Variants in CIITA observed in about 807,000 individuals in gnomAD.
CIITA encodes the protein MHC class II transactivator.
In CIITA, 72 loss-of-function variants were observed where a neutral mutation model predicts 115.1. The ratio of observed to expected loss-of-function variants is 0.63; its 90% CI spans 0.52 to 0.76. The LOEUF is 0.76. Among genes scored for constraint, CIITA ranks in the 30% least tolerant of loss-of-function variants. The pLI is 0.00. For missense variants in CIITA, 1,617 were observed against 1,463.8 expected (o/e 1.10, Z -1.71); for synonymous variants, 763 against 635.6 (o/e 1.20, Z -3.02).
intron 16 of CIITA, among the ~76,000 whole-genome samples, chr16:10,919,298 G>A (rs4781023): frequency 0.14 from 21,564 of 151,752 alleles, 1,857 homozygotes; most frequent in Admixed American, 0.27. Flanking sequence ...CCAGGTTCAA[G>A]CTATTCGCCT....
In CIITA at chr16:10,942,123, GC is replaced by G; in HGVS notation, n.1250del. On this transcript the variant is annotated non_coding_transcript_exon_variant, in exon 2 of 2. Coordinates refer to the CIITA transcript ENST00000573379. The surrounding 1 kb of genome is among the most constrained non-coding windows in gnomAD (Gnocchi z 5.0). ...AGGGGTACCCTGGAGCCCGACAGAA[GC>G]AGGGCCGGGCTCCAGATGTCCCCTG... 1.4e-6 allele frequency: 1 copy of G among 717,062 alleles called. No individual in the cohort carries two copies. The highest frequency in any genetic ancestry group is 3.6e-5 in the South Asian group (1 of 27,440). 44.4% of individuals were successfully genotyped at this position (717,062 alleles called of 1,614,324 possible).
Position 10,922,167 on chromosome 16 carries a change from C to T in CIITA, c.3150C>T (p.Ser1050=). The T allele has an allele frequency of 6.2e-7, 1 of 1,614,164 alleles. No homozygotes were observed. The highest frequency in any genetic ancestry group is 2.2e-5 in the East Asian group (1 of 44,884). ...PSLAASLLRL[S]LYNNCICDVG... ...TCCCCCTGGCCTCTGTTTCCGACAG[C>T]TTGTACAATAACTGCATCTGCGACG... The change falls in exon 17 of 20, where the codon AGC becomes AGT. Residue 1050 remains serine (S), a splice_region_variant and synonymous_variant. Coordinates refer to ENST00000324288, the MANE Select transcript of CIITA (RefSeq NM_000246.4).
Position 10,895,425 on chromosome 16 carries a change from T to C in CIITA, c.196T>C (p.Ser66Pro). 1.9e-6 allele frequency: 3 copies of C among 1,613,610 alleles called. No individual in the cohort carries two copies. Among genetic ancestry groups the C allele is most frequent in the Non-Finnish European group, 1.7e-6 (2 of 1,180,018 alleles). The change falls in exon 2 of 20, where the codon TCA (serine) becomes CCA (proline). Residue 66 changes from serine to proline, a missense_variant. Transcript: ENST00000324288. ...TGGAGAAGAAGAGATTGAGCTCTAC[T>C]CAGGTGGGCCCTCCTCCCTCTGGTC... is the stretch of plus-strand genomic sequence containing the variant. ...LAGEEEIELY[S>P]EPDTDTINCD...
Position 10,901,066 on chromosome 16 carries a change from G to A in CIITA, c.437-448G>A, listed in dbSNP as rs574720556. Reference sequence around the variant, plus strand: ...TAAGCAGTCCCTTGCTAAGGGACACGTGGGTTTTTAATCTGTTGCTGTGAG... The same window carrying A: ...TAAGCAGTCCCTTGCTAAGGGACACATGGGTTTTTAATCTGTTGCTGTGAG... On this transcript the variant is annotated intron_variant, in intron 5 of 19. Transcript: ENST00000324288. The surrounding 1 kb of genome is among the most constrained non-coding windows in gnomAD (Gnocchi z 6.8). Among the ~76,000 whole-genome samples, 10 of 152,276 alleles carry A rather than the reference G, an allele frequency of 6.6e-5. No homozygotes were observed. Among genetic ancestry groups the A allele is most frequent in the African/African-American group, 1.9e-4 (8 of 41,568 alleles).
In CIITA at chr16:10,901,623, T is replaced by A. The variant is rs45543731; in HGVS notation, c.481+65T>A. 5,398 of 1,530,756 alleles carry A rather than the reference T, an allele frequency of 3.5e-3. 17 individuals are homozygous for A. The highest frequency in any genetic ancestry group is 4.4e-3 in the Non-Finnish European group (4,948 of 1,113,752). 94.8% of individuals were successfully genotyped at this position (1,530,756 alleles called of 1,614,324 possible). A position where few individuals can be genotyped will look rare whatever the true frequency, so the allele number is the denominator to read the frequency against. ...GCCTTGGGGAGGGGATGGAAGAGAT[T>A]GAACTCCTGGCCCAAGTCTGATGGG... On this transcript the variant is annotated intron_variant, in intron 6 of 19. Coordinates refer to ENST00000324288, the MANE Select transcript of CIITA (RefSeq NM_000246.4). The surrounding 1 kb of genome is among the most constrained non-coding windows in gnomAD (Gnocchi z 6.8).
Position 10,930,420 on chromosome 16 carries a change from C to T in CIITA, c.*6565C>T, listed in dbSNP as rs1456904662. The T allele has an allele frequency of 6.6e-6, 1 of 152,110 alleles. No individual in the cohort carries two copies. The highest frequency in any genetic ancestry group is 1.5e-5 in the Non-Finnish European group (1 of 68,026). 9.4% of individuals were successfully genotyped at this position (152,110 alleles called of 1,614,324 possible). A position where few individuals can be genotyped will look rare whatever the true frequency, so the allele number is the denominator to read the frequency against. On this transcript the variant is annotated 3_prime_UTR_variant, in exon 20 of 20. Transcript: ENST00000324288. ...CAGGCCACTAAATGCCAGTAGCACC[C>T]CTGGCCACTGGAACAACTAAAAATG...
At position 10,941,515 on chromosome 16, in the gene CIITA, T is replaced by A. The variant is rs924432569; in HGVS notation, n.641T>A. The A allele has an allele frequency of 1.3e-5, 18 of 1,388,358 alleles. No individual in the cohort carries two copies. The highest frequency in any genetic ancestry group is 1.7e-5 in the Non-Finnish European group (18 of 1,067,896). 86.0% of individuals were successfully genotyped at this position (1,388,358 alleles called of 1,614,324 possible). On this transcript the variant is annotated non_coding_transcript_exon_variant, in exon 2 of 2. Transcript: ENST00000573379. This position sits in a 1 kb window ranked among gnomAD's most constrained non-coding sequence, Gnocchi z 6.4. ...TGTATCCGGCCTGGGAATTCCTCCC[T>A]CTCCCTTGCTAGCGCCCCAACCCGC... is the stretch of plus-strand genomic sequence containing the variant.
rs552207530 is a variant in CIITA at position 10,920,480 on chromosome 16, C to T, written c.3150-1687C>T. Among the ~76,000 whole-genome samples the T allele has an allele frequency of 6.6e-6, 1 of 152,314 alleles. No homozygotes were observed. Among genetic ancestry groups the T allele is most frequent in the Admixed American group, 6.5e-5 (1 of 15,300 alleles). The stretch of plus-strand genomic sequence containing the variant: ...CAGACTGGTCTTGAAATCCTGGGCC[C>T]AAGCGATCCACCCACCTCAGCCTTC... On this transcript the variant is annotated intron_variant, in intron 16 of 19. Coordinates refer to ENST00000324288, the MANE Select transcript of CIITA (RefSeq NM_000246.4). The surrounding 1 kb of genome is among the most constrained non-coding windows in gnomAD (Gnocchi z 4.5).
rs1372246115 is a variant in CIITA, at chr16:10,901,946, C to T, written c.482-92C>T. 15 of 1,530,706 alleles carry T rather than the reference C, an allele frequency of 9.8e-6. No homozygotes were observed. Among genetic ancestry groups the T allele is most frequent in the Non-Finnish European group, 1.3e-5 (14 of 1,112,652 alleles). The allele number at this position is 1,530,706 out of a possible 1,614,324, so 94.8% of individuals were successfully genotyped here. On this transcript the variant is annotated intron_variant, in intron 6 of 19. Coordinates refer to ENST00000324288, the MANE Select transcript of CIITA (RefSeq NM_000246.4). The surrounding 1 kb of genome is among the most constrained non-coding windows in gnomAD (Gnocchi z 6.8). Reference sequence around the variant, plus strand: ...AGAAGATGACAAGCATTTCCTCTGTCAGGAGAGACATCCATGCCACTCCAG... The same window carrying T: ...AGAAGATGACAAGCATTTCCTCTGTTAGGAGAGACATCCATGCCACTCCAG...
intron 1 of CIITA, among the ~76,000 whole-genome samples, chr16:10,881,753 CA>C (rs2036455538): frequency 6.6e-6 from 1 of 152,146 alleles, no homozygotes; most frequent in Admixed American, 6.5e-5. Context: ...AACTGTTGTG[CA>C]ACCTCCGCTA....
chr16:10,894,846 A>G (rs2037959864), intron 1 of CIITA, among the ~76,000 whole-genome samples: 1 of 152,194 alleles, frequency 6.6e-6, no homozygotes, highest in African/African-American at 2.4e-5. Flanking sequence ...CACCTCTCTG[A>G]GCCTCAGTTT....
At chr16:10,911,745 T>G (rs1483007970) in intron 13 of CIITA, among the ~76,000 whole-genome samples, 1 of 151,824 alleles carries the variant, frequency 6.6e-6, no homozygotes, top group African/African-American at 2.4e-5. Context: ...GAGACAGGAT[T>G]TCACCATGTT....
At chr16:10,880,404 C>T (rs1051083848) in intron 1 of CIITA, among the ~76,000 whole-genome samples, 1 of 152,216 alleles carries the variant, frequency 6.6e-6, no homozygotes, top group South Asian at 2.1e-4. Context: ...CACTGGGAGG[C>T]GCTGATGTGG....
At chr16:10,922,650 T>C (rs2040337389) in intron 18 of CIITA, among the ~76,000 whole-genome samples, 160 bp downstream of exon 18, 1 of 152,216 alleles carries the variant, frequency 6.6e-6, no homozygotes, top group African/African-American at 2.4e-5. Flanking sequence ...ATCTGTAAAG[T>C]GGGGACAGTA....
chr16:10,876,770 G>C (rs2071170), upstream of CIITA, among the ~76,000 whole-genome samples: 7,780 of 152,300 alleles, frequency 0.051, 1,095 homozygotes, highest in East Asian at 0.3. Context: ...GGGCAATTTG[G>C]TGTGGGAGTA....
downstream of CIITA, chr16:10,938,998 G>T (rs2041065906): frequency 6.6e-6 from 1 of 152,198 alleles, no homozygotes; most frequent in African/African-American, 2.4e-5. The surrounding 1 kb of genome is among the most constrained non-coding windows in gnomAD (Gnocchi z 4.9). Context: ...TCAAATGCTT[G>T]GCTTGGAGAC....
chr16:10,930,329 G>A lies in CIITA; in HGVS notation c.*6474G>A, dbSNP rs1765566157. 2 of 152,352 alleles carry A rather than the reference G, an allele frequency of 1.3e-5. No homozygotes were observed. The highest frequency in any genetic ancestry group is 2.1e-4 in the South Asian group (1 of 4,828). The allele number at this position is 152,352 out of a possible 1,614,324, so 9.4% of individuals were successfully genotyped here. The stretch of plus-strand genomic sequence containing the variant: ...TGACAGGGTGCTATTGACATTTGGG[G>A]TAGGACAATTCTTGGAGGTGGGGTG... On this transcript the variant is annotated 3_prime_UTR_variant, in exon 20 of 20. Coordinates refer to ENST00000324288, the MANE Select transcript of CIITA (RefSeq NM_000246.4).
Position 10,925,501 on chromosome 16 carries a change from G to C in CIITA, c.*1646G>C, listed in dbSNP as rs1443652912. On this transcript the variant is annotated 3_prime_UTR_variant, in exon 20 of 20. Transcript: ENST00000324288. The stretch of plus-strand genomic sequence containing the variant: ...TTTAGTTTTATTTTTGTAGAGCCAG[G>C]GTCTCACTATGTTGCCCAGGCAGGT... 1.3e-5 allele frequency: 2 copies of C among 152,170 alleles called. No individual in the cohort carries two copies. The highest frequency in any genetic ancestry group is 4.8e-5 in the African/African-American group (2 of 41,392). The allele number at this position is 152,170 out of a possible 1,614,324, so 9.4% of individuals were successfully genotyped here.
chr16:10,878,697 C>T (rs183181497), intron 1 of CIITA, among the ~76,000 whole-genome samples: 22 of 152,356 alleles, frequency 1.4e-4, no homozygotes, highest in African/African-American at 5.1e-4. Flanking sequence ...AGATCACTTG[C>T]CCAAGTGGCT....
Sources: allele counts gnomAD v4.1 joint callset (sites outside exome capture counted in the v4.1 genomes callset), GRCh38; gene constraint gnomAD v4.1.1; non-coding constraint Gnocchi (gnomAD v3.1); transcripts MANE v1.5; gene names NCBI Gene and HGNC (gene_info 2026-07-23, HGNC 2026-07-21).